SUCLG1: variants seen among roughly 807,000 people sequenced by gnomAD.
The protein encoded by SUCLG1 is succinate--CoA ligase [ADP/GDP-forming] subunit alpha, mitochondrial.
A neutral mutation model predicts 37.3 loss-of-function variants in SUCLG1; 26 were observed. The observed-to-expected ratio is 0.70, with a 90% confidence interval of 0.51 to 0.97. The LOEUF (loss-of-function observed/expected upper bound fraction) is 0.97, where lower values mean the gene tolerates loss of function less well. Among genes scored for constraint, SUCLG1 ranks in the 50% least tolerant of loss-of-function variants. SUCLG1 has a pLI of 0.00. For synonymous variants in SUCLG1, 163 were observed against 155.6 expected (o/e 1.05, Z -0.36); for missense variants, 433 against 432.9 (o/e 1.00, Z 0.00).
intron 7 of SUCLG1, among the ~76,000 whole-genome samples, chr2:84,427,488 CT>C (rs113777703): frequency 3.2e-4 from 48 of 152,314 alleles, no homozygotes; most frequent in African/African-American, 1.2e-3. Context: ...CTTCCAAATG[CT>C]GACATGTTTC....
chr2:84,439,166 G>C lies in SUCLG1; in HGVS notation c.589+1881C>G, dbSNP rs376992932. The stretch of plus-strand genomic sequence containing the variant: ...GGAAGGAACCAACTCTGGACACAGT[G>C]TCACATATTTTCTTCTTTTTTTTAA... On this transcript the variant is annotated intron_variant, in intron 5 of 8. Transcript: ENST00000393868. 8.3e-4 allele frequency among the ~76,000 whole-genome samples: 125 copies of C among 150,106 alleles called. 1 individual carries two copies. In the South Asian group the frequency reaches 0.026, roughly 32 times the overall value.
intron 2 of SUCLG1, 100 bp from the exon 3 acceptor site, chr2:84,443,500 G>C: frequency 1.1e-6 from 1 of 927,828 alleles, no homozygotes; most frequent in Non-Finnish European, 1.8e-6. Context: ...AAACAAATAG[G>C]TTAACTATTC....
At chr2:84,431,155 T>A (rs966136791) in intron 7 of SUCLG1, among the ~76,000 whole-genome samples, 6 of 152,116 alleles carry the variant, frequency 3.9e-5, no homozygotes, top group Non-Finnish European at 5.9e-5. Flanking sequence ...AAACCACTTA[T>A]TTCCCTCTGA....
chr2:84,432,980 A>AATT, intron 6 of SUCLG1: 1 of 288,650 alleles, frequency 3.5e-6, no homozygotes, highest in Non-Finnish European at 6.7e-6. Flanking sequence ...CAAGAATGAG[A>AATT]CACTGAATGG....
At chr2:84,442,248 A>G (rs1672786413) in intron 3 of SUCLG1, among the ~76,000 whole-genome samples, 2 of 151,974 alleles carry the variant, frequency 1.3e-5, no homozygotes, top group South Asian at 2.1e-4. Flanking sequence ...TCTCCTCTCT[A>G]TATTTTGAGG....
chr2:84,447,067 C>T (rs2104260904), intron 2 of SUCLG1, among the ~76,000 whole-genome samples: 1 of 152,262 alleles, frequency 6.6e-6, no homozygotes, highest in East Asian at 1.9e-4. Context: ...AGCTTATAAA[C>T]CCAGTAAAAG....
chr2:84,450,802 C>T (rs747511101), intron 1 of SUCLG1, among the ~76,000 whole-genome samples: 1 of 152,242 alleles, frequency 6.6e-6, no homozygotes, highest in Non-Finnish European at 1.5e-5. Context: ...CCTCACATTA[C>T]ATAACTGAAA....
intron 7 of SUCLG1, 132 bp downstream of exon 7, chr2:84,431,375 GA>G: frequency 9.1e-7 from 1 of 1,101,042 alleles, no homozygotes; most frequent in Non-Finnish European, 1.3e-6. Context: ...GTCCAGTATA[GA>G]AGGCCCTGCT....
At chr2:84,453,714 G>A (rs756563699) in intron 1 of SUCLG1, among the ~76,000 whole-genome samples, 2 of 152,202 alleles carry the variant, frequency 1.3e-5, no homozygotes, top group Non-Finnish European at 2.9e-5. Context: ...ACCATGCCCA[G>A]CCGAAAATAA....
chr2:84,458,073 T>A (rs927444928), intron 1 of SUCLG1, among the ~76,000 whole-genome samples: 1 of 149,414 alleles, frequency 6.7e-6, no homozygotes, highest in African/African-American at 2.6e-5. Context: ...AAACTAACTT[T>A]GAGTGTTTGT....
chr2:84,443,657 T>C (rs1672807494), intron 2 of SUCLG1, among the ~76,000 whole-genome samples: 1 of 152,174 alleles, frequency 6.6e-6, no homozygotes, highest in Non-Finnish European at 1.5e-5. Flanking sequence ...GTTTCTCAAC[T>C]CCTCATGTGC....
In SUCLG1 at chr2:84,424,580, T is replaced by A. The variant is rs188111510; in HGVS notation, c.1015-808A>T. Reference sequence around the variant, plus strand: ...GACAAGGGCAAAGAAGACCACCAAATCAGGATTTTGAAATTCTCTCTGAAT... The same window carrying A: ...GACAAGGGCAAAGAAGACCACCAAAACAGGATTTTGAAATTCTCTCTGAAT... On this transcript the variant is annotated intron_variant, in intron 8 of 8. Coordinates refer to ENST00000393868, the MANE Select transcript of SUCLG1 (RefSeq NM_003849.4). Among the ~76,000 whole-genome samples the A allele has an allele frequency of 1.1e-4, 17 of 152,270 alleles. No homozygotes were observed. The East Asian group carries it at 3.3e-3, about 29-fold the overall frequency.
intron 7 of SUCLG1, among the ~76,000 whole-genome samples, chr2:84,430,604 A>G (rs1258502691): frequency 6.6e-6 from 1 of 152,110 alleles, no homozygotes; most frequent in Non-Finnish European, 1.5e-5. Context: ...CCTGTACATG[A>G]TATTATTGGT....
At chr2:84,433,601 A>G in intron 5 of SUCLG1, 166 bp from the exon 6 acceptor site, 1 of 662,402 alleles carries the variant, frequency 1.5e-6, no homozygotes, top group East Asian at 2.8e-5. Flanking sequence ...TGAAAAGGAA[A>G]GGCTTAAATT....
intron 7 of SUCLG1, among the ~76,000 whole-genome samples, chr2:84,429,758 C>T (rs1306549460): frequency 2.6e-5 from 4 of 152,052 alleles, no homozygotes; most frequent in Admixed American, 1.3e-4. Flanking sequence ...CTGATGTGAA[C>T]CAAGGACAAA....
intron 5 of SUCLG1, among the ~76,000 whole-genome samples, chr2:84,440,439 TA>T (rs1672750679): frequency 6.6e-6 from 1 of 152,184 alleles, no homozygotes; most frequent in Non-Finnish European, 1.5e-5. Context: ...TCTCCTACAT[TA>T]ATGGTGAAAA....
chr2:84,440,605 A>G (rs908406430), intron 5 of SUCLG1, among the ~76,000 whole-genome samples: 17 of 152,218 alleles, frequency 1.1e-4, no homozygotes, highest in African/African-American at 3.6e-4. Context: ...AGACCTGTAC[A>G]CAAATGTTGA....
chr2:84,458,322 T>C lies in SUCLG1; in HGVS notation c.97+851A>G, dbSNP rs554262795. On this transcript the variant is annotated intron_variant, in intron 1 of 8. Transcript: ENST00000393868. Reference sequence around the variant, plus strand: ...CTTCAGGCCCCTTAAAATGTGTTAATATTTTCATGTGATTGGAAACACTGA... The same window carrying C: ...CTTCAGGCCCCTTAAAATGTGTTAACATTTTCATGTGATTGGAAACACTGA... 4 of 152,302 alleles carry C rather than the reference T, an allele frequency of 2.6e-5. No homozygotes were observed. In the East Asian group the frequency reaches 7.7e-4, roughly 29 times the overall value. 9.4% of individuals were successfully genotyped at this position (152,302 alleles called of 1,614,324 possible). A position where few individuals can be genotyped will look rare whatever the true frequency, so the allele number is the denominator to read the frequency against.
At chr2:84,454,476 G>A (rs762695474) in intron 1 of SUCLG1, among the ~76,000 whole-genome samples, 7 of 152,214 alleles carry the variant, frequency 4.6e-5, no homozygotes, top group East Asian at 1.9e-4. Flanking sequence ...TATTATTACC[G>A]ATGCAGAATG....
Sources: gnomAD v4.1 joint callset for allele counts (sites outside exome capture counted in the v4.1 genomes callset) on GRCh38, gnomAD v4.1.1 for gene constraint, MANE v1.5 for transcripts, NCBI Gene and HGNC (gene_info 2026-07-23, HGNC 2026-07-21) for gene names.